EIF3H: variants seen among roughly 807,000 people sequenced by gnomAD.
EIF3H encodes eukaryotic translation initiation factor 3 subunit H.
In EIF3H, 26 loss-of-function variants were observed where a neutral mutation model predicts 44.2. That is an observed-to-expected ratio of 0.59 (90% confidence interval 0.43 to 0.82). EIF3H has a LOEUF of 0.82. Among genes scored for constraint, EIF3H ranks in the 40% least tolerant of loss-of-function variants. The probability of loss-of-function intolerance (pLI) is 0.00; values close to 1 mark genes in which losing one functional copy is unlikely to be tolerated. For synonymous variants in EIF3H, 166 were observed against 151.9 expected (o/e 1.09, Z -0.68); for missense variants, 359 against 432.8 (o/e 0.83, Z 1.51).
At chr8:116,653,945 A>G (rs933504288) in intron 5 of EIF3H, among the ~76,000 whole-genome samples, 3 of 152,256 alleles carry the variant, frequency 2.0e-5, no homozygotes, top group African/African-American at 7.2e-5. Flanking sequence ...AAGCACCTGC[A>G]TAAGAATTAT....
intron 2 of EIF3H, among the ~76,000 whole-genome samples, chr8:116,683,479 C>A (rs961126300): frequency 2.0e-5 from 3 of 152,116 alleles, no homozygotes; most frequent in Admixed American, 6.5e-5. Flanking sequence ...TCATCTAACC[C>A]TAAGTACCTC....
intron 2 of EIF3H, among the ~76,000 whole-genome samples, chr8:116,719,054 A>G (rs1814700617): frequency 6.6e-6 from 1 of 152,218 alleles, no homozygotes; most frequent in African/African-American, 2.4e-5. Context: ...GTATCTGTAT[A>G]TCTAGAAATA....
intron 2 of EIF3H, among the ~76,000 whole-genome samples, chr8:116,706,285 T>C (rs1033922520): frequency 7.2e-5 from 11 of 152,184 alleles, no homozygotes; most frequent in African/African-American, 2.7e-4. Context: ...CAGGATTTAT[T>C]CAGACAGATT....
intron 2 of EIF3H, among the ~76,000 whole-genome samples, chr8:116,668,953 T>G: frequency 6.6e-6 from 1 of 152,074 alleles, no homozygotes; most frequent in Non-Finnish European, 1.5e-5. Context: ...TTGGATTAAC[T>G]TGGCCTCCAT....
intron 2 of EIF3H, among the ~76,000 whole-genome samples, chr8:116,694,630 TAGAA>T (rs1554600093): frequency 4.6e-5 from 7 of 152,254 alleles, no homozygotes. Context: ...GTGTCATACA[TAGAA>T]AGGTCATATC....
At chr8:116,676,456 G>T (rs1420559934) in intron 2 of EIF3H, among the ~76,000 whole-genome samples, 1 of 152,164 alleles carries the variant, frequency 6.6e-6, no homozygotes, top group African/African-American at 2.4e-5. Context: ...TGAGCAAAGG[G>T]GGGAAGAGCC....
At chr8:116,680,754 C>T (rs1168566063) in intron 2 of EIF3H, among the ~76,000 whole-genome samples, 11 of 146,360 alleles carry the variant, frequency 7.5e-5, no homozygotes, top group Non-Finnish European at 1.5e-4. Flanking sequence ...TATCTACTGA[C>T]CTTCCCTCCA....
At chr8:116,668,647 T>C (rs371043389) in intron 2 of EIF3H, among the ~76,000 whole-genome samples, 2 of 152,160 alleles carry the variant, frequency 1.3e-5, no homozygotes, top group South Asian at 2.1e-4. Flanking sequence ...TTACCACACA[T>C]TAATTGTGTG....
intron 1 of EIF3H, among the ~76,000 whole-genome samples, chr8:116,730,469 CTG>C (rs1275956509): frequency 1.5e-4 from 23 of 152,230 alleles, no homozygotes; most frequent in African/African-American, 5.5e-4. Context: ...CGTGGAAAAA[CTG>C]TCTTTCACGA....
chr8:116,731,775 G>A (rs115869935), intron 1 of EIF3H, among the ~76,000 whole-genome samples: 1,795 of 152,252 alleles, frequency 0.012, 38 homozygotes, highest in African/African-American at 0.04. Flanking sequence ...GTTAAGAACC[G>A]ATGCTGACTA....
intron 1 of EIF3H, among the ~76,000 whole-genome samples, chr8:116,739,030 C>G (rs1815086177): frequency 6.6e-6 from 1 of 152,228 alleles, no homozygotes; most frequent in Admixed American, 6.5e-5. Flanking sequence ...AAAACCTCTG[C>G]AGCACTGTGA....
upstream of EIF3H, chr8:116,756,014 A>G (rs540137975): frequency 6.5e-7 from 1 of 1,535,968 alleles, no homozygotes; most frequent in Non-Finnish European, 8.7e-7. Flanking sequence ...TTTCCGATGG[A>G]ATGATCTAAG....
intron 2 of EIF3H, among the ~76,000 whole-genome samples, chr8:116,661,466 C>G (rs1026377986): frequency 1.8e-4 from 27 of 152,284 alleles, no homozygotes; most frequent in Middle Eastern, 3.4e-3. Flanking sequence ...GAGATTTCCC[C>G]TGTGGGGATC....
At chr8:116,687,023 T>G (rs1814089770) in intron 2 of EIF3H, among the ~76,000 whole-genome samples, 1 of 151,984 alleles carries the variant, frequency 6.6e-6, no homozygotes, top group Non-Finnish European at 1.5e-5. Context: ...CAGACAAGGG[T>G]TTAGTTGAAG....
At chr8:116,694,223 C>T (rs910204098) in intron 2 of EIF3H, among the ~76,000 whole-genome samples, 3 of 151,682 alleles carry the variant, frequency 2.0e-5, no homozygotes, top group Non-Finnish European at 4.4e-5. Flanking sequence ...ATCAGCAGTA[C>T]ATGAGTGTGT....
chr8:116,659,072 A>G, intron 2 of EIF3H, 92 bp from the exon 3 acceptor site: 2 of 1,068,950 alleles, frequency 1.9e-6, no homozygotes, highest in Non-Finnish European at 2.6e-6. Context: ...AAATGTCTAC[A>G]TAACAATTTA....
At chr8:116,702,277 G>C (rs1814391464) in intron 2 of EIF3H, among the ~76,000 whole-genome samples, 1 of 152,214 alleles carries the variant, frequency 6.6e-6, no homozygotes, top group Admixed American at 6.5e-5. Context: ...GGCATAACGG[G>C]AGAAGAAATG....
At chr8:116,677,857 G>A (rs1394512020) in intron 2 of EIF3H, among the ~76,000 whole-genome samples, 3 of 152,010 alleles carry the variant, frequency 2.0e-5, no homozygotes, top group African/African-American at 7.2e-5. Flanking sequence ...TAATTTGAAA[G>A]AAAAAATATT....
At chr8:116,661,903 TG>T (rs1163483491) in intron 2 of EIF3H, among the ~76,000 whole-genome samples, 2 of 152,218 alleles carry the variant, frequency 1.3e-5, no homozygotes, top group African/African-American at 4.8e-5. Context: ...TATAGCCGTG[TG>T]GAGATACCAC....
Sources: allele counts gnomAD v4.1 joint callset (sites outside exome capture counted in the v4.1 genomes callset), GRCh38; gene constraint gnomAD v4.1.1; transcripts MANE v1.5; gene names NCBI Gene and HGNC (gene_info 2026-07-23, HGNC 2026-07-21).